AHCYL2: variants seen among roughly 807,000 people sequenced by gnomAD.
The protein encoded by AHCYL2 is adenosylhomocysteinase like 2, also known as S-adenosylhomocysteine hydrolase-like protein 2.
Under a neutral mutation model 81.4 loss-of-function variants are expected in AHCYL2, and 28 were observed. That is an observed-to-expected ratio of 0.34 (90% CI 0.25 to 0.47). The LOEUF (loss-of-function observed/expected upper bound fraction) is 0.47, where lower values mean the gene tolerates loss of function less well. Among genes scored for constraint, AHCYL2 ranks in the 20% least tolerant of loss-of-function variants. The pLI is 1.00. For synonymous variants in AHCYL2, 272 were observed against 290.2 expected, an observed-to-expected ratio of 0.94 and a Z score of 0.64; for missense variants, 551 against 785.1, an observed-to-expected ratio of 0.70 and a Z score of 3.56.
intron 1 of AHCYL2, among the ~76,000 whole-genome samples, chr7:129,359,422 T>C (rs969365092): frequency 6.6e-6 from 1 of 152,238 alleles, no homozygotes; most frequent in African/African-American, 2.4e-5. Flanking sequence ...TGTGTAGTGG[T>C]TGCATAGGTG....
At chr7:129,256,196 AC>A (rs1233767033) in intron 1 of AHCYL2, among the ~76,000 whole-genome samples, 1 of 152,214 alleles carries the variant, frequency 6.6e-6, no homozygotes, top group Non-Finnish European at 1.5e-5. Flanking sequence ...ATTAGAAGAA[AC>A]TAATATAGGT....
At chr7:129,365,979 C>A (rs1468409418) in intron 1 of AHCYL2, among the ~76,000 whole-genome samples, 1 of 152,104 alleles carries the variant, frequency 6.6e-6, no homozygotes, top group Non-Finnish European at 1.5e-5. Context: ...ATTTAGGTAA[C>A]AGATGTGACT....
chr7:129,410,202 G>A (rs377208592), intron 11 of AHCYL2: 24 of 1,612,256 alleles, frequency 1.5e-5, no homozygotes, highest in African/African-American at 6.7e-5. Context: ...ATTTGTTCCC[G>A]GCTCTTGGGA....
chr7:129,346,085 A>T (rs1793352469), intron 1 of AHCYL2, among the ~76,000 whole-genome samples: 1 of 152,174 alleles, frequency 6.6e-6, no homozygotes, highest in Non-Finnish European at 1.5e-5. Flanking sequence ...GATTTGTGGG[A>T]TAAGAGAAGG....
At chr7:129,289,956 A>G (rs1466799526) in intron 1 of AHCYL2, among the ~76,000 whole-genome samples, 1 of 151,596 alleles carries the variant, frequency 6.6e-6, no homozygotes, top group Non-Finnish European at 1.5e-5. Flanking sequence ...CTAATTTTGT[A>G]TTTTTAGTAG....
At position 129,345,140 on chromosome 7, in the gene AHCYL2, AAAAAG is replaced by A. The variant is rs1321134397; in HGVS notation, c.364-34488_364-34484del. On this transcript the variant is annotated intron_variant, in intron 1 of 16. Transcript: ENST00000325006. ...ACTGCACTCCAGCCTGGGCCACAGA[AAAAAG>A]AAAAGAAAAATTCTGCCTTCAGTGG... 1.2e-4 allele frequency among the ~76,000 whole-genome samples: 18 copies of A among 152,158 alleles called. 1 individual carries two copies. The highest frequency in any genetic ancestry group is 1.1e-3 in the Admixed American group (17 of 15,274).
intron 1 of AHCYL2, among the ~76,000 whole-genome samples, chr7:129,361,662 G>A (rs370023936): frequency 6.6e-6 from 1 of 152,018 alleles, no homozygotes; most frequent in South Asian, 2.1e-4. Flanking sequence ...ACCCAGTCTT[G>A]TTCTATCTCC....
intron 12 of AHCYL2, among the ~76,000 whole-genome samples, chr7:129,416,028 A>C (rs1355479245): frequency 6.6e-6 from 1 of 152,148 alleles, no homozygotes; most frequent in Non-Finnish European, 1.5e-5. Flanking sequence ...GACAAGAGCG[A>C]AACTCCATCT....
At chr7:129,311,586 C>A (rs1249609644) in intron 1 of AHCYL2, among the ~76,000 whole-genome samples, 2 of 151,878 alleles carry the variant, frequency 1.3e-5, no homozygotes, top group African/African-American at 4.8e-5. Context: ...CCCCACCGCG[C>A]CAGCAACTTG....
chr7:129,330,286 C>T (rs1798371720), intron 1 of AHCYL2, among the ~76,000 whole-genome samples: 1 of 152,236 alleles, frequency 6.6e-6, no homozygotes, highest in South Asian at 2.1e-4. Context: ...GCGTGAGCCG[C>T]TGCACCCTGC....
At chr7:129,271,744 T>C (rs1419231813) in intron 1 of AHCYL2, among the ~76,000 whole-genome samples, 1 of 152,134 alleles carries the variant, frequency 6.6e-6, no homozygotes, top group East Asian at 1.9e-4. Flanking sequence ...ATAAGGAAAA[T>C]GTAATAAATG....
chr7:129,309,605 A>C (rs537095585), intron 1 of AHCYL2, among the ~76,000 whole-genome samples: 2 of 152,202 alleles, frequency 1.3e-5, no homozygotes, highest in African/African-American at 4.8e-5. Flanking sequence ...AGTTTGTCAC[A>C]TATAAATATC....
At chr7:129,336,071 C>T (rs1271092441) in intron 1 of AHCYL2, among the ~76,000 whole-genome samples, 22 of 118,424 alleles carry the variant, frequency 1.9e-4, no homozygotes, top group South Asian at 2.5e-4. Context: ...CTTTTCTTTC[C>T]TTTTTTTTTT....
At chr7:129,335,946 A>G (rs536102955) in intron 1 of AHCYL2, among the ~76,000 whole-genome samples, 35 of 152,294 alleles carry the variant, frequency 2.3e-4, no homozygotes, top group African/African-American at 7.9e-4. Context: ...TTTGGGGGCC[A>G]CGTGTTTAAA....
At chr7:129,391,138 T>G (rs1795451317) in intron 4 of AHCYL2, among the ~76,000 whole-genome samples, 1 of 152,216 alleles carries the variant, frequency 6.6e-6, no homozygotes, top group Non-Finnish European at 1.5e-5. Context: ...AATAGTATTA[T>G]TTGAAGACAG....
At chr7:129,290,712 T>C (rs1796816254) in intron 1 of AHCYL2, among the ~76,000 whole-genome samples, 1 of 151,672 alleles carries the variant, frequency 6.6e-6, no homozygotes, top group African/African-American at 2.4e-5. Context: ...AGGTGGATCA[T>C]GAGGTCAGGA....
Position 129,382,953 on chromosome 7 carries a change from G to GC in AHCYL2, c.475+3208dup, listed in dbSNP as rs1795035163. On this transcript the variant is annotated intron_variant, in intron 2 of 16. Transcript: ENST00000325006. The stretch of plus-strand genomic sequence containing the variant: ...TGACTATAGAAATTAACACTGGAAA[G>GC]CCCCAAAGACTCATCCTTGGACCTC... 2.0e-5 allele frequency among the ~76,000 whole-genome samples: 3 copies of GC among 152,008 alleles called. No homozygotes were observed. The South Asian group carries it at 6.2e-4, about 32-fold the overall frequency.
intron 12 of AHCYL2, among the ~76,000 whole-genome samples, chr7:129,420,118 C>T (rs930352204): frequency 6.6e-6 from 1 of 152,192 alleles, no homozygotes; most frequent in Non-Finnish European, 1.5e-5. Flanking sequence ...TACAGCATAG[C>T]CATTCCAGTG....
chr7:129,394,440 CTTTTTTTTTTTTTTT>C (rs35797517), intron 4 of AHCYL2, among the ~76,000 whole-genome samples: 1 of 45,746 alleles, frequency 2.2e-5, no homozygotes, highest in African/African-American at 8.2e-5. Flanking sequence ...TTGTATTTGA[CTTTTTTTTTTTTTTT>C]TTTTTTTTTG....
Sources: allele counts gnomAD v4.1 joint callset (sites outside exome capture counted in the v4.1 genomes callset), GRCh38; gene constraint gnomAD v4.1.1; transcripts MANE v1.5; gene names NCBI Gene and HGNC (gene_info 2026-07-23, HGNC 2026-07-21).